The following FRMD5 variants were observed in gnomAD, a reference collection of about 807,000 sequenced individuals.
FRMD5 encodes FERM domain containing 5.
In FRMD5, 20 loss-of-function variants were observed where a neutral mutation model predicts 69.0. The ratio of observed to expected loss-of-function variants is 0.29; its 90% CI spans 0.20 to 0.42. The LOEUF is 0.42. FRMD5 is among the 10% of genes least tolerant of loss of function. The pLI is 1.00. For missense variants in FRMD5, 595 were observed against 708.6 expected (o/e 0.84, Z 1.82); for synonymous variants, 271 against 260.1 (o/e 1.04, Z -0.40).
Position 43,882,129 on chromosome 15 carries a change from C to G in FRMD5, c.1135+1574G>C, listed in dbSNP as rs550740411. The stretch of plus-strand genomic sequence containing the variant: ...TATCCAGCCTGCGGGTGACCTGGGC[C>G]AGTGACAGCAGCTAGAGGGCAGTAT... On this transcript the variant is annotated intron_variant, in intron 13 of 13. Coordinates refer to ENST00000417257, the MANE Select transcript of FRMD5 (RefSeq NM_032892.5). Among the ~76,000 whole-genome samples the G allele has an allele frequency of 2.8e-4, 42 of 152,290 alleles. 1 individual carries two copies. Among genetic ancestry groups the G allele is most frequent in the Admixed American group, 2.6e-3 (40 of 15,294 alleles).
At chr15:44,116,876 G>A (rs1434088634) in intron 1 of FRMD5, among the ~76,000 whole-genome samples, 1 of 151,762 alleles carries the variant, frequency 6.6e-6, no homozygotes. Context: ...GAGGTCAGGA[G>A]TTCGAGACCA....
intron 1 of FRMD5, among the ~76,000 whole-genome samples, chr15:43,965,657 C>T (rs922028326): frequency 6.6e-6 from 1 of 150,606 alleles, no homozygotes; most frequent in African/African-American, 2.5e-5. Context: ...TCTCCGCTCA[C>T]CACAACCTCT....
chr15:44,193,319 G>T (rs2078227036), intron 1 of FRMD5, among the ~76,000 whole-genome samples: 1 of 152,048 alleles, frequency 6.6e-6, no homozygotes, highest in Non-Finnish European at 1.5e-5. Flanking sequence ...TATGCTATTG[G>T]ATAAATGCTT....
chr15:44,140,445 C>T (rs910683945), intron 1 of FRMD5, among the ~76,000 whole-genome samples: 1 of 151,770 alleles, frequency 6.6e-6, no homozygotes, highest in Non-Finnish European at 1.5e-5. Context: ...ATAAAGATAC[C>T]CGTTACCACC....
chr15:44,077,313 A>C (rs574502300), intron 1 of FRMD5, among the ~76,000 whole-genome samples: 85 of 152,128 alleles, frequency 5.6e-4, no homozygotes, highest in Admixed American at 1.6e-3. Flanking sequence ...TGGAGTAGGA[A>C]TATTACTAGA....
chr15:43,961,749 C>T (rs953255612), intron 1 of FRMD5, among the ~76,000 whole-genome samples: 14 of 152,292 alleles, frequency 9.2e-5, no homozygotes, highest in Admixed American at 3.3e-4. Flanking sequence ...GCTGGTTCAA[C>T]ATATGAAAAT....
At chr15:43,957,368 T>G (rs1399935984) in intron 1 of FRMD5, among the ~76,000 whole-genome samples, 1 of 152,144 alleles carries the variant, frequency 6.6e-6, no homozygotes, top group Admixed American at 6.5e-5. Flanking sequence ...ACTAATTTTT[T>G]GTATTTTTAG....
chr15:44,194,660 C>A (rs2078254196), intron 1 of FRMD5: 1 of 457,774 alleles, frequency 2.2e-6, no homozygotes, highest in South Asian at 2.3e-5. Context: ...CTTACTCGGG[C>A]GGGCTCGAGG....
At chr15:44,140,527 A>T (rs1262246103) in intron 1 of FRMD5, among the ~76,000 whole-genome samples, 1 of 152,076 alleles carries the variant, frequency 6.6e-6, no homozygotes, top group African/African-American at 2.4e-5. Flanking sequence ...AAGGCACAAG[A>T]ATTAAAAAAG....
intron 1 of FRMD5, among the ~76,000 whole-genome samples, chr15:43,950,112 T>C (rs750543318): frequency 9.2e-5 from 14 of 152,168 alleles, no homozygotes; most frequent in Non-Finnish European, 1.5e-4. Context: ...TGGTTACAAA[T>C]TCAGGCCCAC....
intron 1 of FRMD5, among the ~76,000 whole-genome samples, chr15:44,114,165 G>A (rs916275114): frequency 7.9e-5 from 12 of 152,198 alleles, no homozygotes; most frequent in South Asian, 4.1e-4. Context: ...ATTAACAGAA[G>A]ACAGTAGTAT....
chr15:44,195,842 T>A (rs2078286422), upstream of FRMD5, among the ~76,000 whole-genome samples: 1 of 152,228 alleles, frequency 6.6e-6, no homozygotes, highest in Non-Finnish European at 1.5e-5. Flanking sequence ...CCTCAGAGGT[T>A]CTGAAGTACC....
chr15:44,179,106 A>G (rs2077952976), intron 1 of FRMD5, among the ~76,000 whole-genome samples: 1 of 152,206 alleles, frequency 6.6e-6, no homozygotes, highest in Admixed American at 6.5e-5. Flanking sequence ...AAATTAACCT[A>G]TCTGAAAAAA....
At chr15:44,025,578 A>G (rs1354069609) in intron 1 of FRMD5, among the ~76,000 whole-genome samples, 1 of 152,236 alleles carries the variant, frequency 6.6e-6, no homozygotes, top group Admixed American at 6.5e-5. Flanking sequence ...AGGGTACTCT[A>G]TGCATTAAAT....
At position 43,883,747 on chromosome 15, in the gene FRMD5, A is replaced by C; in HGVS notation, c.1091T>G (p.Val364Gly). The C allele has an allele frequency of 3.1e-6, 5 of 1,613,834 alleles. No homozygotes were observed. Among genetic ancestry groups the C allele is most frequent in the Non-Finnish European group, 4.2e-6 (5 of 1,179,876 alleles). The change falls in exon 13 of 14, where the codon GTC becomes GGC. Residue 364 changes from valine to glycine, a missense_variant. Coordinates refer to ENST00000417257, the MANE Select transcript of FRMD5 (RefSeq NM_032892.5). The part of the protein sequence containing the change: ...SITHGPRLSS[V>G]PRTRRRAVHI... ...AACAGCTCTTCTGCGGGTCCTGGGG[A>C]CGCTGCTCAGCCTTGGGCCATGGGT...
intron 2 of FRMD5, 142 bp downstream of exon 2, chr15:43,924,063 T>C (rs528110914): frequency 1.3e-5 from 9 of 684,890 alleles, no homozygotes; most frequent in South Asian, 1.3e-4. Flanking sequence ...TCTAATGCTA[T>C]GATCTGAAGA....
intron 1 of FRMD5, among the ~76,000 whole-genome samples, chr15:43,982,048 A>G (rs2090556306): frequency 6.6e-6 from 1 of 152,202 alleles, no homozygotes. Flanking sequence ...GACTTTTTCT[A>G]TAATGATGGC....
intron 10 of FRMD5, among the ~76,000 whole-genome samples, chr15:43,886,927 G>T (rs960168071): frequency 1.3e-5 from 2 of 151,960 alleles, no homozygotes; most frequent in Admixed American, 1.3e-4. Flanking sequence ...ACTGAAAAAT[G>T]ACCTCCATTT....
chr15:43,971,162 C>T (rs1484428574), intron 1 of FRMD5, among the ~76,000 whole-genome samples: 1 of 151,938 alleles, frequency 6.6e-6, no homozygotes, highest in Non-Finnish European at 1.5e-5. Flanking sequence ...ATCACTTGAA[C>T]CCGGGAGGTG....
Sources: gnomAD v4.1 joint callset for allele counts (sites outside exome capture counted in the v4.1 genomes callset) on GRCh38, gnomAD v4.1.1 for gene constraint, MANE v1.5 for transcripts, NCBI Gene and HGNC (gene_info 2026-07-23, HGNC 2026-07-21) for gene names.